FAM177A1: variants seen among roughly 807,000 people sequenced by gnomAD.
FAM177A1 encodes family with sequence similarity 177 member A1.
In FAM177A1, 22 loss-of-function variants were observed where a neutral mutation model predicts 26.1. That is an observed-to-expected ratio of 0.84 (90% CI 0.60 to 1.20). The LOEUF is 1.20. FAM177A1 is among the 50% of genes most tolerant of loss of function. FAM177A1 has a pLI of 0.00. For synonymous variants in FAM177A1, 95 were observed against 99.3 expected (o/e 0.96, Z 0.26); for missense variants, 296 against 291.1 (o/e 1.02, Z -0.12).
In FAM177A1 at chr14:35,081,386, C is replaced by A; in HGVS notation, c.*158C>A. ...TGTTTTCTTCATTTTTAGGATCTAT[C>A]TAGCAAAAGCCAGATCTGAAATTCA... is the stretch of plus-strand genomic sequence containing the variant. On this transcript the variant is annotated 3_prime_UTR_variant, in exon 5 of 5. Coordinates refer to ENST00000280987, the MANE Select transcript of FAM177A1 (RefSeq NM_173607.5). 2 of 705,520 alleles carry A rather than the reference C, an allele frequency of 2.8e-6. No homozygotes were observed. Among genetic ancestry groups the A allele is most frequent in the Non-Finnish European group, 4.3e-6 (2 of 464,350 alleles). The allele number at this position is 705,520 out of a possible 1,614,324, so 43.7% of individuals were successfully genotyped here.
chr14:35,073,796 C>G (rs1233270707), intron 2 of FAM177A1, among the ~76,000 whole-genome samples: 1 of 152,156 alleles, frequency 6.6e-6, no homozygotes, highest in East Asian at 1.9e-4. Context: ...GTAGAGTTAG[C>G]CTATCCCTTT....
At chr14:35,054,719 A>G (rs2045030988) in intron 2 of FAM177A1, 1 of 152,216 alleles carries the variant, frequency 6.6e-6, no homozygotes. Flanking sequence ...TGACACCTGT[A>G]ATCCCAGCGC....
chr14:35,048,174 AGT>A (rs1184658971), intron 1 of FAM177A1, among the ~76,000 whole-genome samples: 3 of 152,232 alleles, frequency 2.0e-5, no homozygotes, highest in South Asian at 2.1e-4. Flanking sequence ...ATTGTTGGCA[AGT>A]GCACTTACAC....
Position 35,081,752 on chromosome 14 carries a change from A to G in FAM177A1, c.*524A>G, listed in dbSNP as rs1339216112. On this transcript the variant is annotated 3_prime_UTR_variant, in exon 5 of 5. Coordinates refer to ENST00000280987, the MANE Select transcript of FAM177A1 (RefSeq NM_173607.5). ...CACTTTGAATTTTCTTTCATTGAGA[A>G]TAACTGTTTTATGTAAGAATCTGTA... 6.6e-6 allele frequency: 1 copy of G among 152,290 alleles called. No homozygotes were observed. The highest frequency in any genetic ancestry group is 1.5e-5 in the Non-Finnish European group (1 of 68,088). The allele number at this position is 152,290 out of a possible 1,614,324, so 9.4% of individuals were successfully genotyped here. A position where few individuals can be genotyped will look rare whatever the true frequency, so the allele number is the denominator to read the frequency against.
chr14:35,081,021 G>GGAA lies in FAM177A1; in HGVS notation c.523_525dup (p.Glu175dup), dbSNP rs756991070. On this transcript the variant is annotated inframe_insertion and splice_region_variant. Transcript: ENST00000280987. ...TTCTTGATATTGCTCCTTTTTTTTA[G>GGAA]GAAGAAGAAGAAGAAGAAGAAAACA... The GGAA allele has an allele frequency of 9.9e-5, 157 of 1,589,236 alleles. No individual in the cohort carries two copies. The highest frequency in any genetic ancestry group is 6.3e-4 in the Middle Eastern group (3 of 4,774).
rs2045077750 is a variant in FAM177A1 at position 35,057,370 on chromosome 14, T to A, written c.339+3919T>A. The stretch of plus-strand genomic sequence containing the variant: ...ACCACCATGCCCAGCTTCCCATAAG[T>A]TTTTGTATGTTATACCTTCTTTTTT... On this transcript the variant is annotated intron_variant, in intron 2 of 4. Coordinates refer to ENST00000280987, the MANE Select transcript of FAM177A1 (RefSeq NM_173607.5). 2.0e-5 allele frequency among the ~76,000 whole-genome samples: 3 copies of A among 152,026 alleles called. No homozygotes were observed. The South Asian group carries it at 6.2e-4, about 32-fold the overall frequency.
chr14:35,067,188 A>T (rs1357972100), intron 2 of FAM177A1, among the ~76,000 whole-genome samples: 1 of 151,958 alleles, frequency 6.6e-6, no homozygotes, highest in South Asian at 2.1e-4. Context: ...ACATCTCCCC[A>T]TTTCCCCTTA....
chr14:35,046,514 C>A lies in FAM177A1; in HGVS notation c.51C>A (p.Ser17Arg), dbSNP rs1295141898. 3 of 1,604,010 alleles carry A rather than the reference C, an allele frequency of 1.9e-6. No individual in the cohort carries two copies. In the East Asian group the frequency reaches 6.8e-5, roughly 36 times the overall value. ...CCCTCTTTCTCACCAGCGCCAGCAG[C>A]CCTGTGGTGGCGACGACGATGGACC... The part of the protein sequence containing the change: ...AITLFLTSAS[S>R]PVVATTMDQE... Residue 17 changes from serine to arginine, a missense_variant, in exon 1 of 5, where the codon AGC becomes AGA. Transcript: ENST00000280987.
chr14:35,060,544 G>C (rs1431393026), intron 2 of FAM177A1, among the ~76,000 whole-genome samples: 2 of 151,694 alleles, frequency 1.3e-5, no homozygotes, highest in African/African-American at 4.8e-5. Flanking sequence ...TTGGAAACTA[G>C]ATATTTTAGA....
chr14:35,062,073 C>G (rs1261125758), intron 2 of FAM177A1, among the ~76,000 whole-genome samples: 2 of 152,190 alleles, frequency 1.3e-5, no homozygotes, highest in African/African-American at 4.8e-5. Flanking sequence ...TTGGCTGTAC[C>G]AGTCTGAAGT....
chr14:35,047,015 G>T, intron 1 of FAM177A1: 1 of 1,019,484 alleles, frequency 9.8e-7, no homozygotes, highest in Non-Finnish European at 1.2e-6. Context: ...CTGGGCATCT[G>T]CCCTTTGCTT....
At chr14:35,076,051 A>G (rs2045389540) in intron 2 of FAM177A1, among the ~76,000 whole-genome samples, 1 of 152,248 alleles carries the variant, frequency 6.6e-6, no homozygotes, top group African/African-American at 2.4e-5. Context: ...TCAAGGATCT[A>G]GAACCAGAAA....
At chr14:35,056,607 C>T (rs1255976887) in intron 2 of FAM177A1, among the ~76,000 whole-genome samples, 1 of 152,164 alleles carries the variant, frequency 6.6e-6, no homozygotes, top group Admixed American at 6.6e-5. Flanking sequence ...GATCCCCTGT[C>T]TCAGCCTCCC....
At chr14:35,079,226 G>T (rs559531130) in intron 4 of FAM177A1, among the ~76,000 whole-genome samples, 1 of 152,136 alleles carries the variant, frequency 6.6e-6, no homozygotes, top group Non-Finnish European at 1.5e-5. Flanking sequence ...TATGATCTGT[G>T]TGCAAAACTA....
At chr14:35,076,712 T>C (rs2045402104) in intron 2 of FAM177A1, among the ~76,000 whole-genome samples, 1 of 152,108 alleles carries the variant, frequency 6.6e-6, no homozygotes, top group Non-Finnish European at 1.5e-5. Context: ...TTAATTTCTC[T>C]GAACCTTAAT....
intron 2 of FAM177A1, 58 bp downstream of exon 2, chr14:35,053,509 T>TC (rs2045011362): frequency 2.6e-6 from 4 of 1,554,160 alleles, no homozygotes; most frequent in Non-Finnish European, 2.6e-6. Flanking sequence ...TTATTTTTTT[T>TC]CCCTAAACAT....
intron 2 of FAM177A1, among the ~76,000 whole-genome samples, chr14:35,070,259 C>T (rs2045301025): frequency 2.6e-5 from 4 of 151,172 alleles, no homozygotes; most frequent in African/African-American, 4.9e-5. Flanking sequence ...CTCCTGACCT[C>T]GTGATCCACC....
intron 2 of FAM177A1, among the ~76,000 whole-genome samples, chr14:35,070,368 C>T (rs570856126): frequency 4.4e-4 from 66 of 150,774 alleles, no homozygotes; most frequent in Non-Finnish European, 7.5e-4. Flanking sequence ...CTCGCTCTGT[C>T]GTCCAGGCTG....
chr14:35,048,027 C>G (rs2044901453), intron 1 of FAM177A1, among the ~76,000 whole-genome samples: 1 of 151,998 alleles, frequency 6.6e-6, no homozygotes, highest in Non-Finnish European at 1.5e-5. Flanking sequence ...AAAGAAACCC[C>G]AAAAACAAAA....
Sources: gnomAD v4.1 joint callset for allele counts (sites outside exome capture counted in the v4.1 genomes callset) on GRCh38, gnomAD v4.1.1 for gene constraint, MANE v1.5 for transcripts, NCBI Gene and HGNC (gene_info 2026-07-23, HGNC 2026-07-21) for gene names.